Variants in MYO3B observed in about 807,000 individuals in gnomAD.
MYO3B encodes the protein myosin-IIIb.
Under a neutral mutation model 174.6 loss-of-function variants are expected in MYO3B, and 156 were observed. The ratio of observed to expected loss-of-function variants is 0.89; its 90% CI spans 0.78 to 1.02. The LOEUF (loss-of-function observed/expected upper bound fraction) is 1.02. Ranked by LOEUF, MYO3B falls within the 50% of genes least tolerant of loss-of-function variation. MYO3B has a pLI of 0.00. For synonymous variants in MYO3B, 563 were observed against 569.1 expected, an observed-to-expected ratio of 0.99 and a Z score of 0.15; for missense variants, 1,632 against 1,639.4, an observed-to-expected ratio of 1.00 and a Z score of 0.08.
Position 170,564,563 on chromosome 2 carries a change from T to A in MYO3B, c.3733+20575T>A, listed in dbSNP as rs531399030. ...GCAAATAAAATGAAGTTATTTCTGG[T>A]ATTCCAGAAATAAGAGAAATGGAAA... On this transcript the variant is annotated intron_variant, in intron 32 of 34. Coordinates refer to ENST00000408978, the MANE Select transcript of MYO3B (RefSeq NM_138995.5). Among the ~76,000 whole-genome samples the A allele has an allele frequency of 1.2e-4, 19 of 152,328 alleles. 1 individual carries two copies. In the South Asian group the frequency reaches 3.9e-3, roughly 32 times the overall value.
chr2:170,610,354 A>T (rs1045907106), intron 32 of MYO3B, among the ~76,000 whole-genome samples: 7 of 151,744 alleles, frequency 4.6e-5, no homozygotes, highest in South Asian at 2.1e-4. Context: ...AAAAAAAAAA[A>T]TTTTATTTCT....
intron 32 of MYO3B, among the ~76,000 whole-genome samples, chr2:170,616,146 A>G (rs1379187315): frequency 6.6e-6 from 1 of 152,224 alleles, no homozygotes. Flanking sequence ...ACAGGACGTG[A>G]AGCTAGACAA....
At chr2:170,592,081 A>G (rs532745328) in intron 32 of MYO3B, among the ~76,000 whole-genome samples, 1 of 152,316 alleles carries the variant, frequency 6.6e-6, no homozygotes, top group African/African-American at 2.4e-5. Flanking sequence ...AGGTATGAAG[A>G]GGTTAAATCA....
intron 32 of MYO3B, among the ~76,000 whole-genome samples, chr2:170,572,227 A>G (rs1692482037): frequency 6.6e-6 from 1 of 152,260 alleles, no homozygotes. Context: ...CAGGGGTTCG[A>G]GACCAGCCTG....
At chr2:170,397,987 C>T (rs970384323) in intron 16 of MYO3B, among the ~76,000 whole-genome samples, 10 of 151,946 alleles carry the variant, frequency 6.6e-5, no homozygotes, top group Admixed American at 1.3e-4. Context: ...TTTGGGAGTC[C>T]GAGGCGGGTG....
chr2:170,475,405 C>A (rs1575040351), intron 25 of MYO3B, among the ~76,000 whole-genome samples: 1 of 152,162 alleles, frequency 6.6e-6, no homozygotes, highest in East Asian at 1.9e-4. Flanking sequence ...TGCAAACCAC[C>A]ATGCCTGGCT....
intron 32 of MYO3B, among the ~76,000 whole-genome samples, chr2:170,548,423 G>C (rs1379604999): frequency 6.6e-6 from 1 of 152,162 alleles, no homozygotes; most frequent in Non-Finnish European, 1.5e-5. Context: ...GAGTGGCTCT[G>C]AGATTCTGCA....
At chr2:170,506,417 A>G (rs1397515163) in intron 28 of MYO3B, among the ~76,000 whole-genome samples, 1 of 152,224 alleles carries the variant, frequency 6.6e-6, no homozygotes, top group Non-Finnish European at 1.5e-5. Flanking sequence ...ATTTCCTAGA[A>G]CTAAATTTCC....
intron 32 of MYO3B, among the ~76,000 whole-genome samples, chr2:170,605,021 T>C (rs1468601421): frequency 6.6e-6 from 1 of 152,160 alleles, no homozygotes; most frequent in African/African-American, 2.4e-5. Flanking sequence ...TTTTTTACTG[T>C]ACCTGTTATC....
intron 9 of MYO3B, among the ~76,000 whole-genome samples, chr2:170,376,493 A>G (rs1315504954): frequency 6.6e-6 from 1 of 152,186 alleles, no homozygotes; most frequent in Non-Finnish European, 1.5e-5. Context: ...CATTGAATGT[A>G]GTGATAAGGG....
chr2:170,404,340 C>T lies in MYO3B; in HGVS notation c.2371C>T (p.Leu791=), dbSNP rs1041307739. 2 of 1,613,828 alleles carry T rather than the reference C, an allele frequency of 1.2e-6. No individual in the cohort carries two copies. Among genetic ancestry groups the T allele is most frequent in the African/African-American group, 1.3e-5 (1 of 74,908 alleles). Reference sequence around the variant, plus strand: ...CATGTTCCTCCAGAAACCCCTGGGACTGCTTGCACTTTTGGATGAGGAAAG... The same window carrying T: ...CATGTTCCTCCAGAAACCCCTGGGATTGCTTGCACTTTTGGATGAGGAAAG... ...LDMFLQKPLG[L]LALLDEESRF... The change falls in exon 20 of 35, where the codon CTG becomes TTG. Residue 791 remains leucine, a synonymous_variant. Coordinates refer to ENST00000408978, the MANE Select transcript of MYO3B (RefSeq NM_138995.5).
At chr2:170,205,049 A>G (rs928002311) in intron 3 of MYO3B, among the ~76,000 whole-genome samples, 5 of 152,118 alleles carry the variant, frequency 3.3e-5, no homozygotes, top group Non-Finnish European at 5.9e-5. Context: ...TTCCTTTAAA[A>G]GTGTCCTGAG....
chr2:170,253,760 G>A (rs909580220), intron 7 of MYO3B, among the ~76,000 whole-genome samples: 1 of 152,050 alleles, frequency 6.6e-6, no homozygotes, highest in African/African-American at 2.4e-5. Flanking sequence ...AAGGAAGAAA[G>A]GGCTAAGAGA....
At chr2:170,493,010 GAAAGCTCCCTTCCGCCCTC>G (rs1156897852) in intron 25 of MYO3B, among the ~76,000 whole-genome samples, 1 of 152,192 alleles carries the variant, frequency 6.6e-6, no homozygotes, top group Non-Finnish European at 1.5e-5. Context: ...GAAGGGAAGT[GAAAGCTCCCTTCCGCCCTC>G]AAAGGTAATA....
At chr2:170,450,289 G>A (rs1448460723) in intron 23 of MYO3B, among the ~76,000 whole-genome samples, 4 of 151,902 alleles carry the variant, frequency 2.6e-5, no homozygotes, top group Non-Finnish European at 5.9e-5. Context: ...TGCACTTTAG[G>A]GGACCTAATA....
intron 32 of MYO3B, among the ~76,000 whole-genome samples, chr2:170,582,037 A>G (rs11891944): frequency 0.016 from 2,470 of 152,350 alleles, 66 homozygotes; most frequent in African/African-American, 0.056. Flanking sequence ...AGGCAGTTGT[A>G]AGGCAGCCTA....
chr2:170,631,774 C>T (rs1247243154), intron 32 of MYO3B, among the ~76,000 whole-genome samples: 1 of 152,062 alleles, frequency 6.6e-6, no homozygotes, highest in African/African-American at 2.4e-5. Flanking sequence ...CAGAGACACA[C>T]ACAGGCTCAA....
intron 25 of MYO3B, among the ~76,000 whole-genome samples, 161 bp from the exon 26 acceptor site, chr2:170,498,431 T>C (rs1194503796): frequency 6.6e-6 from 1 of 152,206 alleles, no homozygotes; most frequent in East Asian, 1.9e-4. Flanking sequence ...GCCAAGTTCA[T>C]AAGTATAAAT....
chr2:170,564,104 T>G (rs1691911511), intron 32 of MYO3B, among the ~76,000 whole-genome samples: 1 of 152,194 alleles, frequency 6.6e-6, no homozygotes, highest in African/African-American at 2.4e-5. Context: ...ATGATCAGAT[T>G]TCACCTTGGG....
Sources: allele counts gnomAD v4.1 joint callset (sites outside exome capture counted in the v4.1 genomes callset), GRCh38; gene constraint gnomAD v4.1.1; transcripts MANE v1.5; gene names NCBI Gene and HGNC (gene_info 2026-07-23, HGNC 2026-07-21).